The following WDR72 variants were observed in gnomAD, a reference collection of about 807,000 sequenced individuals.
WDR72 encodes WD repeat-containing protein 72.
WDR72 carries 120 observed loss-of-function variants against 124.2 expected under a neutral mutation model. The observed-to-expected ratio is 0.97, with a 90% confidence interval of 0.83 to 1.12. WDR72 has a LOEUF of 1.12. WDR72 is among the 50% of genes most tolerant of loss of function. The pLI, the probability that WDR72 is intolerant of heterozygous loss-of-function variation, is 0.00. For missense variants in WDR72, 1,387 were observed against 1,278.8 expected, an observed-to-expected ratio of 1.08 and a Z score of -1.29; for synonymous variants, 452 against 441.7, an observed-to-expected ratio of 1.02 and a Z score of -0.29.
intron 14 of WDR72, 42 bp downstream of exon 14, chr15:53,665,530 T>C (rs746017986): frequency 8.7e-6 from 14 of 1,609,112 alleles, no homozygotes; most frequent in Middle Eastern, 1.7e-4. Context: ...TCTTATTCGG[T>C]TGATAATGTT....
chr15:53,649,140 T>A (rs1250022498), intron 14 of WDR72, among the ~76,000 whole-genome samples: 4 of 152,048 alleles, frequency 2.6e-5, no homozygotes, highest in Non-Finnish European at 4.4e-5. Flanking sequence ...CAAGAAACAA[T>A]GACCTGTAGG....
In WDR72 at chr15:53,602,110, C is replaced by A. The variant is rs1397482037; in HGVS notation, c.2953-4836G>T. ...GAAGTAAAACACTCCTTAGCAAATG[C>A]AAAATAACTGAAATCATAACAAACA... is the stretch of plus-strand genomic sequence containing the variant. On this transcript the variant is annotated intron_variant, in intron 17 of 19. Transcript: ENST00000360509. 2.6e-5 allele frequency among the ~76,000 whole-genome samples: 4 copies of A among 151,942 alleles called. No homozygotes were observed. The East Asian group carries it at 7.7e-4, about 29-fold the overall frequency.
intron 18 of WDR72, among the ~76,000 whole-genome samples, chr15:53,562,999 T>C (rs1441689757): frequency 6.6e-6 from 1 of 151,820 alleles, no homozygotes; most frequent in African/African-American, 2.4e-5. Flanking sequence ...CTGCAGTGTC[T>C]GAAACAATAA....
chr15:53,632,565 C>A (rs559479823), intron 14 of WDR72, among the ~76,000 whole-genome samples: 1 of 152,268 alleles, frequency 6.6e-6, no homozygotes, highest in Admixed American at 6.5e-5. Context: ...ATCCTCCAGT[C>A]CCCAGAATGG....
intron 13 of WDR72, among the ~76,000 whole-genome samples, chr15:53,691,459 T>C (rs112596956): frequency 5.3e-5 from 8 of 152,356 alleles, no homozygotes; most frequent in African/African-American, 1.9e-4. Flanking sequence ...TGCAAATTAC[T>C]TTTCCCATTC....
chr15:53,612,248 A>G (rs915612165), intron 16 of WDR72, among the ~76,000 whole-genome samples: 3 of 152,174 alleles, frequency 2.0e-5, no homozygotes, highest in African/African-American at 7.2e-5. Context: ...TCTAGGAACC[A>G]GGGACACAGC....
At chr15:53,576,663 A>G (rs1236448554) in intron 18 of WDR72, among the ~76,000 whole-genome samples, 1 of 152,104 alleles carries the variant, frequency 6.6e-6, no homozygotes, top group Non-Finnish European at 1.5e-5. Flanking sequence ...GACAGTAACC[A>G]AGTGAAAAAC....
At chr15:53,720,049 G>T (rs1469228387) in intron 3 of WDR72, among the ~76,000 whole-genome samples, 1 of 151,848 alleles carries the variant, frequency 6.6e-6, no homozygotes, top group Non-Finnish European at 1.5e-5. Context: ...TAATTGGAAT[G>T]ACTATTTTAT....
chr15:53,675,253 G>T (rs2016129063), intron 13 of WDR72, among the ~76,000 whole-genome samples: 1 of 151,076 alleles, frequency 6.6e-6, no homozygotes, highest in Admixed American at 6.6e-5. Flanking sequence ...TGAGGCAGAA[G>T]AATCGCTTGA....
At chr15:53,711,099 CT>C in intron 8 of WDR72, 146 bp from the exon 9 acceptor site, 1 of 908,416 alleles carries the variant, frequency 1.1e-6, no homozygotes, top group South Asian at 1.5e-5. Flanking sequence ...TTACAAGTGA[CT>C]TTTTGAAAAC....
At chr15:53,679,851 G>T (rs1268032791) in intron 13 of WDR72, among the ~76,000 whole-genome samples, 1 of 151,678 alleles carries the variant, frequency 6.6e-6, no homozygotes. Flanking sequence ...TCAGATTTTG[G>T]AGAGATAAAA....
chr15:53,590,223 C>G (rs941464303), intron 18 of WDR72, among the ~76,000 whole-genome samples: 1 of 151,970 alleles, frequency 6.6e-6, no homozygotes, highest in Non-Finnish European at 1.5e-5. Context: ...ACCCCCAACC[C>G]TTATTCCTTT....
chr15:53,637,885 T>C (rs2014683334), intron 14 of WDR72, among the ~76,000 whole-genome samples: 1 of 152,194 alleles, frequency 6.6e-6, no homozygotes, highest in South Asian at 2.1e-4. Flanking sequence ...AGGAAATATA[T>C]TTTCTGGTGT....
intron 3 of WDR72, among the ~76,000 whole-genome samples, chr15:53,721,862 C>T (rs573082687): frequency 2.6e-5 from 4 of 152,126 alleles, no homozygotes; most frequent in African/African-American, 7.2e-5. Context: ...CATAGTATTT[C>T]TTCCATCAGT....
At chr15:53,528,218 A>C (rs1237128694) in intron 18 of WDR72, among the ~76,000 whole-genome samples, 1 of 152,110 alleles carries the variant, frequency 6.6e-6, no homozygotes, top group Non-Finnish European at 1.5e-5. Context: ...TTATCTGGCT[A>C]AAGAGCTGTG....
At chr15:53,718,697 G>C (rs1269863896) in intron 3 of WDR72, among the ~76,000 whole-genome samples, 1 of 150,058 alleles carries the variant, frequency 6.7e-6, no homozygotes, top group Non-Finnish European at 1.5e-5. Flanking sequence ...GCCTAAGTTT[G>C]TACATAGCTA....
At chr15:53,714,333 T>G (rs1275760552) in intron 6 of WDR72, 101 bp downstream of exon 6, 4 of 946,264 alleles carry the variant, frequency 4.2e-6, no homozygotes, top group Non-Finnish European at 6.8e-6. Flanking sequence ...TCTATGTTAT[T>G]TGAACTTTTG....
At chr15:53,677,407 A>C (rs1272781605) in intron 13 of WDR72, among the ~76,000 whole-genome samples, 1 of 152,152 alleles carries the variant, frequency 6.6e-6, no homozygotes, top group East Asian at 1.9e-4. Flanking sequence ...CCACATCAAA[A>C]AATTCCTTTT....
At chr15:53,722,073 G>A (rs137963685) in intron 3 of WDR72, among the ~76,000 whole-genome samples, 2,907 of 150,916 alleles carry the variant, frequency 0.019, 97 homozygotes, top group African/African-American at 0.067. Flanking sequence ...TGAGACTGTC[G>A]CCCAGGCTGG....
Sources: allele counts gnomAD v4.1 joint callset (sites outside exome capture counted in the v4.1 genomes callset), GRCh38; gene constraint gnomAD v4.1.1; transcripts MANE v1.5; gene names NCBI Gene and HGNC (gene_info 2026-07-23, HGNC 2026-07-21).